MRTFB: variants seen among roughly 807,000 people sequenced by gnomAD.
MRTFB encodes the protein myocardin related transcription factor B, also known as myocardin-related transcription factor B.
In MRTFB, 29 loss-of-function variants were observed where a neutral mutation model predicts 104.2. The observed-to-expected ratio is 0.28, with a 90% CI of 0.21 to 0.38. The LOEUF is 0.38. MRTFB is among the 10% of genes least tolerant of loss of function. MRTFB has a pLI of 1.00. For synonymous variants in MRTFB, 535 were observed against 519.5 expected, an observed-to-expected ratio of 1.03 and a Z score of -0.41; for missense variants, 1,270 against 1,341.6, an observed-to-expected ratio of 0.95 and a Z score of 0.83.
At chr16:14,040,389 C>T in the MRTFB span, among the ~76,000 whole-genome samples, 1 of 151,806 alleles carries the variant, frequency 6.6e-6, no homozygotes, top group Non-Finnish European at 1.5e-5. Flanking sequence ...GCCAGTTGCC[C>T]TTTAGAATAG....
chr16:14,248,000 C>A (rs1422458181), intron 12 of MRTFB: 1 of 155,170 alleles, frequency 6.4e-6, no homozygotes, highest in Non-Finnish European at 1.4e-5. Context: ...CCCGCAGAGC[C>A]TTTATTCTTA....
At chr16:14,038,077 C>T in the MRTFB span, among the ~76,000 whole-genome samples, 80 of 152,114 alleles carry the variant, frequency 5.3e-4, no homozygotes, top group Admixed American at 1.6e-3. Context: ...ACAACAGAAA[C>T]TTATTTTCTC....
rs549511628 is a variant in MRTFB at position 14,149,694 on chromosome 16, A to G, written c.154+8934A>G. On this transcript the variant is annotated intron_variant, in intron 3 of 16. Transcript: ENST00000571589. ...CCTCTTACTCTAAAATAATTCCTAG[A>G]TTTTTAAGCCTCTAGTACAATGTTG... Among the ~76,000 whole-genome samples, 3 of 152,326 alleles carry G rather than the reference A, an allele frequency of 2.0e-5. No individual in the cohort carries two copies. The East Asian group carries it at 5.8e-4, about 29-fold the overall frequency.
intron 3 of MRTFB, among the ~76,000 whole-genome samples, chr16:14,155,665 C>G (rs1470833439): frequency 1.3e-5 from 2 of 152,142 alleles, no homozygotes; most frequent in Admixed American, 6.5e-5. Context: ...GCATTCGTGC[C>G]AGGGAGACTC....
the MRTFB span, among the ~76,000 whole-genome samples, chr16:14,050,012 C>A: frequency 3.3e-5 from 5 of 152,198 alleles, no homozygotes; most frequent in Admixed American, 3.3e-4. Flanking sequence ...GGATTACAGG[C>A]GTGAGCCACC....
At chr16:14,091,634 C>T (rs2035070334) in intron 2 of MRTFB, among the ~76,000 whole-genome samples, 1 of 152,086 alleles carries the variant, frequency 6.6e-6, no homozygotes, top group South Asian at 2.1e-4. Context: ...CATCTGTGCA[C>T]GTCCACTCTA....
intron 15 of MRTFB, among the ~76,000 whole-genome samples, chr16:14,255,587 TTGAG>T (rs2043444139): frequency 6.6e-6 from 1 of 152,232 alleles, no homozygotes; most frequent in East Asian, 1.9e-4. Context: ...TAAAGAAAAA[TTGAG>T]TTAGTTCATC....
At chr16:14,013,196 A>T in the MRTFB span, 1 of 152,326 alleles carries the variant, frequency 6.6e-6, no homozygotes, top group African/African-American at 2.4e-5. Flanking sequence ...AGGCAGAGAT[A>T]CCGAGCTCCC....
chr16:14,235,943 G>A (rs2042481950), intron 9 of MRTFB, among the ~76,000 whole-genome samples: 1 of 152,356 alleles, frequency 6.6e-6, no homozygotes, highest in South Asian at 2.1e-4. Flanking sequence ...CACTTTGGGA[G>A]GCCAAGGCAG....
At chr16:14,206,894 T>G (rs1238589812) in intron 3 of MRTFB, among the ~76,000 whole-genome samples, 2 of 151,582 alleles carry the variant, frequency 1.3e-5, no homozygotes, top group African/African-American at 4.9e-5. Flanking sequence ...ATATAATATG[T>G]GCAGTAGTGT....
the MRTFB span, among the ~76,000 whole-genome samples, chr16:14,016,320 G>GA: frequency 0.022 from 3,157 of 143,558 alleles, 36 homozygotes; most frequent in African/African-American, 0.031. Flanking sequence ...CTCCCAGTCA[G>GA]AAAAAAAAAA....
intron 11 of MRTFB, among the ~76,000 whole-genome samples, 172 bp from the exon 12 acceptor site, chr16:14,246,301 A>G (rs1339617639): frequency 6.6e-6 from 1 of 152,104 alleles, no homozygotes; most frequent in Non-Finnish European, 1.5e-5. Flanking sequence ...AAGTGCTTCT[A>G]GTCTGTAGTT....
intron 16 of MRTFB, 75 bp downstream of exon 16, chr16:14,258,236 A>G: frequency 2.7e-6 from 3 of 1,125,236 alleles, no homozygotes; most frequent in Middle Eastern, 2.0e-4. Context: ...TTTCTTAAGC[A>G]CTCATAGCTT....
At chr16:14,244,080 G>A (rs57179859) in intron 10 of MRTFB, among the ~76,000 whole-genome samples, 9 of 152,036 alleles carry the variant, frequency 5.9e-5, no homozygotes, top group African/African-American at 1.2e-4. Context: ...GGGTTTCACC[G>A]TGTTAGCCAG....
intron 2 of MRTFB, among the ~76,000 whole-genome samples, chr16:14,136,336 C>T (rs954899506): frequency 1.2e-4 from 18 of 152,016 alleles, no homozygotes; most frequent in African/African-American, 4.3e-4. Flanking sequence ...TACTTATGTT[C>T]TACTACTTTT....
chr16:14,055,436 C>T, the MRTFB span, among the ~76,000 whole-genome samples: 4 of 152,214 alleles, frequency 2.6e-5, no homozygotes, highest in Admixed American at 1.3e-4. Context: ...ACCAGGTTTT[C>T]CCTCTAATGA....
intron 3 of MRTFB, among the ~76,000 whole-genome samples, chr16:14,191,280 C>T (rs960726307): frequency 6.6e-6 from 1 of 152,342 alleles, no homozygotes; most frequent in Non-Finnish European, 1.5e-5. Context: ...TGAATGTTTC[C>T]ATTTCTGCCC....
chr16:14,024,118 A>G, the MRTFB span, among the ~76,000 whole-genome samples: 1 of 151,432 alleles, frequency 6.6e-6, no homozygotes, highest in African/African-American at 2.4e-5. Context: ...CTACCTTATT[A>G]TCAGCAATCA....
the MRTFB span, among the ~76,000 whole-genome samples, chr16:14,022,569 G>A: frequency 1.3e-5 from 2 of 152,048 alleles, no homozygotes; most frequent in South Asian, 4.2e-4. Context: ...GCTAATTTTT[G>A]TATTTTTAGT....
Sources: gnomAD v4.1 joint callset for allele counts (sites outside exome capture counted in the v4.1 genomes callset) on GRCh38, gnomAD v4.1.1 for gene constraint, MANE v1.5 for transcripts, NCBI Gene and HGNC (gene_info 2026-07-23, HGNC 2026-07-21) for gene names.